RAB3C: variants seen among roughly 807,000 people sequenced by gnomAD.
RAB3C encodes RAB3C, member RAS oncogene family, also known as ras-related protein Rab-3C.
RAB3C carries 17 observed loss-of-function variants against 26.4 expected under a neutral mutation model. The ratio of observed to expected loss-of-function variants is 0.64; its 90% CI spans 0.44 to 0.97. The LOEUF (loss-of-function observed/expected upper bound fraction) is 0.97, where lower values mean the gene tolerates loss of function less well. Ranked by LOEUF, RAB3C falls within the 50% of genes least tolerant of loss-of-function variation. RAB3C has a pLI of 0.00. For synonymous variants in RAB3C, 91 were observed against 95.9 expected (o/e 0.95, Z 0.30); for missense variants, 242 against 281.9 (o/e 0.86, Z 1.01).
Position 58,698,445 on chromosome 5 carries a change from G to A in RAB3C, c.253-27557G>A, listed in dbSNP as rs565595453. Among the ~76,000 whole-genome samples, 27 of 152,246 alleles carry A rather than the reference G, an allele frequency of 1.8e-4. No homozygotes were observed. In the South Asian group the frequency reaches 3.5e-3, roughly 20 times the overall value. On this transcript the variant is annotated intron_variant, in intron 2 of 4. Transcript: ENST00000282878. ...GAGGAGTATCTTTGTGGTGTTCACTGTATTTCCTGAATTTGAATGTTGGCT... is the reference window on the plus strand; with the variant it reads ...GAGGAGTATCTTTGTGGTGTTCACTATATTTCCTGAATTTGAATGTTGGCT...
At chr5:58,849,112 T>C (rs1250780326) in intron 4 of RAB3C, among the ~76,000 whole-genome samples, 1 of 152,224 alleles carries the variant, frequency 6.6e-6, no homozygotes, top group Non-Finnish European at 1.5e-5. Flanking sequence ...TAAAACCTTG[T>C]GTGGATTATC....
intron 2 of RAB3C, among the ~76,000 whole-genome samples, chr5:58,638,610 TA>T (rs1747338890): frequency 6.6e-6 from 1 of 152,178 alleles, no homozygotes; most frequent in Non-Finnish European, 1.5e-5. Context: ...GGTGTGAGTA[TA>T]ATAGAAACCT....
chr5:58,791,512 G>A (rs1742521974), intron 3 of RAB3C, among the ~76,000 whole-genome samples: 1 of 152,222 alleles, frequency 6.6e-6, no homozygotes, highest in Admixed American at 6.5e-5. Flanking sequence ...AAGAAGGTAT[G>A]ATTAGGGATG....
intron 4 of RAB3C, among the ~76,000 whole-genome samples, chr5:58,833,810 T>A (rs1743673553): frequency 6.6e-6 from 1 of 152,216 alleles, no homozygotes; most frequent in African/African-American, 2.4e-5. Flanking sequence ...AATATGACAG[T>A]AAATTACTAT....
At chr5:58,845,781 C>G (rs990850189) in intron 4 of RAB3C, among the ~76,000 whole-genome samples, 1 of 151,408 alleles carries the variant, frequency 6.6e-6, no homozygotes. Context: ...CAGGACTGTG[C>G]CACCTTCATC....
chr5:58,741,370 C>T (rs1741271229), intron 3 of RAB3C, among the ~76,000 whole-genome samples: 1 of 152,188 alleles, frequency 6.6e-6, no homozygotes, highest in Non-Finnish European at 1.5e-5. Context: ...GGAAGTGGAA[C>T]TGATGCCACC....
In RAB3C at chr5:58,782,506, A is replaced by G. The variant is rs550442162; in HGVS notation, c.372-42532A>G. 2.8e-3 allele frequency among the ~76,000 whole-genome samples: 423 copies of G among 152,312 alleles called. 1 individual carries two copies. The highest frequency in any genetic ancestry group is 6.8e-3 in the Middle Eastern group (2 of 294). ...CCCACCATTATATATATAATTACTCATCTTTGACAGTAAATGTTAAATATT... is the reference window on the plus strand; with the variant it reads ...CCCACCATTATATATATAATTACTCGTCTTTGACAGTAAATGTTAAATATT... On this transcript the variant is annotated intron_variant, in intron 3 of 4. Coordinates refer to ENST00000282878, the MANE Select transcript of RAB3C (RefSeq NM_138453.4).
At chr5:58,595,510 A>G (rs1746228511) in intron 1 of RAB3C, among the ~76,000 whole-genome samples, 1 of 152,100 alleles carries the variant, frequency 6.6e-6, no homozygotes, top group African/African-American at 2.4e-5. Context: ...ACCTCATAGT[A>G]TATCCCTGAG....
Position 58,825,085 on chromosome 5 carries a change from T to C in RAB3C, c.419T>C (p.Leu140Pro), listed in dbSNP as rs112002596. Residue 140 changes from leucine (L) to proline (P), a missense_variant, in exon 4 of 5, where the codon CTG becomes CCG. Leu to Pro is a moderately conservative substitution (Grantham distance 98). Transcript: ENST00000282878. ...TCTTGGGACAATGCCCAAGTTATTC[T>C]GGTTGGGAACAAGTGTGACATGGAA... ...TYSWDNAQVILVGNKCDMEDE... is the reference protein window; with the variant it reads ...TYSWDNAQVIPVGNKCDMEDE... 6.2e-7 allele frequency: 1 copy of C among 1,613,608 alleles called. No individual in the cohort carries two copies. The highest frequency in any genetic ancestry group is 8.5e-7 in the Non-Finnish European group (1 of 1,179,662).
At chr5:58,755,729 A>G (rs759073599) in intron 3 of RAB3C, among the ~76,000 whole-genome samples, 3 of 152,242 alleles carry the variant, frequency 2.0e-5, no homozygotes, top group Non-Finnish European at 4.4e-5. Context: ...CCCACTGGGC[A>G]GCATTTTGGA....
chr5:58,706,913 A>G (rs1409919569), intron 2 of RAB3C, among the ~76,000 whole-genome samples: 1 of 152,202 alleles, frequency 6.6e-6, no homozygotes, highest in African/African-American at 2.4e-5. Context: ...GTTTGGAGAA[A>G]AGCCCAGACA....
At chr5:58,847,153 G>C (rs923232675) in intron 4 of RAB3C, 3 of 152,166 alleles carry the variant, frequency 2.0e-5, no homozygotes, top group Non-Finnish European at 4.4e-5. Flanking sequence ...TAAGTGAAAG[G>C]CTTCACTGAT....
At chr5:58,757,980 C>T (rs529858941) in intron 3 of RAB3C, among the ~76,000 whole-genome samples, 56 of 152,118 alleles carry the variant, frequency 3.7e-4, no homozygotes, top group Non-Finnish European at 5.4e-4. Flanking sequence ...CTCGCTCTGT[C>T]GCCCAGGCTG....
chr5:58,825,080 T>C lies in RAB3C; in HGVS notation c.414T>C (p.Val138=), dbSNP rs1743442612. 6.2e-7 allele frequency: 1 copy of C among 1,613,414 alleles called. No homozygotes were observed. Among genetic ancestry groups the C allele is most frequent in the South Asian group, 1.1e-5 (1 of 91,046 alleles). ...IKTYSWDNAQ[V]ILVGNKCDME... ...CATACTCTTGGGACAATGCCCAAGT[T>C]ATTCTGGTTGGGAACAAGTGTGACA... Residue 138 remains valine (V), a synonymous_variant, in exon 4 of 5, where the codon GTT becomes GTC. Transcript: ENST00000282878.
rs1237059737 is a variant in RAB3C, at chr5:58,739,104, T to A, written c.371+12984T>A. ...AAACAGAGTTCTGGGCTTTAAAAAA[T>A]AACAGTTGCATTTGTGACTTACTTG... On this transcript the variant is annotated intron_variant, in intron 3 of 4. Coordinates refer to ENST00000282878, the MANE Select transcript of RAB3C (RefSeq NM_138453.4). Among the ~76,000 whole-genome samples the A allele has an allele frequency of 3.3e-5, 5 of 152,350 alleles. No homozygotes were observed. The East Asian group carries it at 9.6e-4, about 29-fold the overall frequency.
intron 2 of RAB3C, among the ~76,000 whole-genome samples, chr5:58,638,070 A>G (rs1397748363): frequency 6.6e-6 from 1 of 152,060 alleles, no homozygotes; most frequent in African/African-American, 2.4e-5. Flanking sequence ...CTTTGGGTGG[A>G]TAAGTCCCAG....
At chr5:58,808,098 G>A (rs1008333319) in intron 3 of RAB3C, among the ~76,000 whole-genome samples, 2 of 151,570 alleles carry the variant, frequency 1.3e-5, no homozygotes, top group African/African-American at 4.9e-5. Context: ...AGTGGTGGGC[G>A]CCTGTAGTCC....
At chr5:58,737,394 AATATATAT>A (rs55691242) in intron 3 of RAB3C, among the ~76,000 whole-genome samples, 893 of 37,870 alleles carry the variant, frequency 0.024, 10 homozygotes, top group South Asian at 0.032. Context: ...CACCCTATGA[AATATATAT>A]ATATATATAT....
chr5:58,659,592 G>C (rs181449762), intron 2 of RAB3C, among the ~76,000 whole-genome samples: 4 of 152,300 alleles, frequency 2.6e-5, no homozygotes, highest in Admixed American at 2.6e-4. Flanking sequence ...TTATGCTCTT[G>C]TGTTTATACC....
Sources: allele counts gnomAD v4.1 joint callset (sites outside exome capture counted in the v4.1 genomes callset), GRCh38; gene constraint gnomAD v4.1.1; transcripts MANE v1.5; gene names NCBI Gene and HGNC (gene_info 2026-07-23, HGNC 2026-07-21).